NMNAT2: variants seen among roughly 807,000 people sequenced by gnomAD.
NMNAT2 encodes nicotinamide/nicotinic acid mononucleotide adenylyltransferase 2.
Under a neutral mutation model 41.6 loss-of-function variants are expected in NMNAT2, and 11 were observed. That is an observed-to-expected ratio of 0.26 (90% confidence interval 0.17 to 0.44). The LOEUF is 0.44. Ranked by LOEUF, NMNAT2 falls within the 20% of genes least tolerant of loss-of-function variation. The pLI, the probability that NMNAT2 is intolerant of heterozygous loss-of-function variation, is 1.00. For synonymous variants in NMNAT2, 148 were observed against 151.2 expected, an observed-to-expected ratio of 0.98 and a Z score of 0.16; for missense variants, 288 against 407.7, an observed-to-expected ratio of 0.71 and a Z score of 2.53.
intron 1 of NMNAT2, among the ~76,000 whole-genome samples, chr1:183,349,839 G>A (rs974992097): frequency 9.2e-5 from 14 of 152,186 alleles, no homozygotes; most frequent in African/African-American, 3.1e-4. Flanking sequence ...CAGACTGGGA[G>A]TCTGGGAGGG....
At chr1:183,264,307 C>T (rs932161988) in intron 8 of NMNAT2, among the ~76,000 whole-genome samples, 4 of 152,006 alleles carry the variant, frequency 2.6e-5, no homozygotes, top group African/African-American at 9.7e-5. Flanking sequence ...CTGCTGCTCT[C>T]CACTCAGTAC....
chr1:183,397,478 GA>G (rs1398383938), intron 1 of NMNAT2, among the ~76,000 whole-genome samples: 1 of 152,126 alleles, frequency 6.6e-6, no homozygotes, highest in Non-Finnish European at 1.5e-5. Flanking sequence ...AACCAAGTTG[GA>G]AAACACTCTG....
chr1:183,316,755 A>T (rs955558681), intron 1 of NMNAT2, among the ~76,000 whole-genome samples: 5 of 152,192 alleles, frequency 3.3e-5, no homozygotes, highest in Non-Finnish European at 7.3e-5. Context: ...ACATTGATTC[A>T]TTGGGTAAGT....
intron 1 of NMNAT2, among the ~76,000 whole-genome samples, chr1:183,382,267 G>A (rs1007399781): frequency 2.0e-5 from 3 of 152,114 alleles, no homozygotes; most frequent in East Asian, 1.9e-4. Context: ...GAACAGCAAG[G>A]GGGAGATCTG....
chr1:183,349,347 T>C (rs1037861659), intron 1 of NMNAT2, among the ~76,000 whole-genome samples: 5 of 152,210 alleles, frequency 3.3e-5, no homozygotes, highest in African/African-American at 9.6e-5. Context: ...TCTCAAAGCC[T>C]TTGCCTGCTC....
At chr1:183,364,686 T>TCTTTCTTTCTTTCTTTCTTTC (rs71127345) in intron 1 of NMNAT2, among the ~76,000 whole-genome samples, 61 of 149,748 alleles carry the variant, frequency 4.1e-4, no homozygotes, top group East Asian at 9.7e-4. Flanking sequence ...TTTCTTTCTT[T>TCTTTCTTTCTTTCTTTCTTTC]TTTTGTTGTT....
intron 1 of NMNAT2, among the ~76,000 whole-genome samples, chr1:183,391,272 T>C (rs190081242): frequency 6.6e-6 from 1 of 152,144 alleles, no homozygotes; most frequent in Non-Finnish European, 1.5e-5. Context: ...GAAGGGAATT[T>C]CTCCATGTTC....
intron 1 of NMNAT2, among the ~76,000 whole-genome samples, chr1:183,315,238 A>G (rs956083262): frequency 6.6e-6 from 1 of 152,222 alleles, no homozygotes; most frequent in Admixed American, 6.5e-5. Flanking sequence ...CTCGGGGCAG[A>G]CACACAGATA....
intron 1 of NMNAT2, among the ~76,000 whole-genome samples, chr1:183,313,802 T>C: frequency 6.6e-6 from 1 of 152,192 alleles, no homozygotes; most frequent in South Asian, 2.1e-4. Context: ...AAATATACCT[T>C]TTAAAATCCA....
At chr1:183,363,130 T>C (rs1663340415) in intron 1 of NMNAT2, among the ~76,000 whole-genome samples, 1 of 152,230 alleles carries the variant, frequency 6.6e-6, no homozygotes, top group African/African-American at 2.4e-5. Context: ...TAGCTCAGTT[T>C]TTAATTGGGT....
chr1:183,401,290 T>C (rs532172689), intron 1 of NMNAT2, among the ~76,000 whole-genome samples: 2 of 152,324 alleles, frequency 1.3e-5, no homozygotes, highest in East Asian at 3.9e-4. Context: ...AAGACATTTA[T>C]GCAGCCAACA....
At chr1:183,312,919 G>T (rs1191007288) in intron 1 of NMNAT2, among the ~76,000 whole-genome samples, 3 of 152,106 alleles carry the variant, frequency 2.0e-5, no homozygotes, top group African/African-American at 7.2e-5. Flanking sequence ...TTCATTATTA[G>T]CTACTATTAT....
chr1:183,297,384 T>C (rs1262784645), intron 1 of NMNAT2, among the ~76,000 whole-genome samples: 5 of 20,190 alleles, frequency 2.5e-4, no homozygotes, highest in Non-Finnish European at 3.7e-4. Flanking sequence ...GAAGGAACCC[T>C]TTTTTTTTTT....
At chr1:183,326,823 T>C (rs1316580296) in intron 1 of NMNAT2, among the ~76,000 whole-genome samples, 3 of 152,006 alleles carry the variant, frequency 2.0e-5, no homozygotes, top group African/African-American at 7.3e-5. Context: ...AAAATATACA[T>C]TGGAGGAAGA....
chr1:183,277,605 C>CCTGTCCTGCCT (rs879718563), intron 8 of NMNAT2, among the ~76,000 whole-genome samples: 8 of 151,944 alleles, frequency 5.3e-5, no homozygotes, highest in Admixed American at 2.0e-4. Context: ...CTGTCCTGCC[C>CCTGTCCTGCCT]CTGTCCTGCC....
intron 1 of NMNAT2, among the ~76,000 whole-genome samples, chr1:183,393,086 C>T (rs1648528542): frequency 1.3e-5 from 2 of 152,206 alleles, no homozygotes; most frequent in Admixed American, 1.3e-4. Flanking sequence ...CAGAGAGCAT[C>T]TCTGGAGATC....
chr1:183,367,011 C>T (rs540339107), intron 1 of NMNAT2, among the ~76,000 whole-genome samples: 2 of 152,258 alleles, frequency 1.3e-5, no homozygotes, highest in East Asian at 3.9e-4. Context: ...TACTTGATTT[C>T]ACATGTTACA....
chr1:183,339,682 T>C (rs1662753308), intron 1 of NMNAT2, among the ~76,000 whole-genome samples: 1 of 152,188 alleles, frequency 6.6e-6, no homozygotes. Context: ...TAGGCACTGT[T>C]CTCAGCATTG....
At chr1:183,309,467 T>C (rs191420922) in intron 1 of NMNAT2, among the ~76,000 whole-genome samples, 103 of 152,312 alleles carry the variant, frequency 6.8e-4, no homozygotes, top group Middle Eastern at 3.4e-3. Flanking sequence ...CTAGGCCTCA[T>C]GTCACTCACT....
Sources: gnomAD v4.1 joint callset for allele counts (sites outside exome capture counted in the v4.1 genomes callset) on GRCh38, gnomAD v4.1.1 for gene constraint, MANE v1.5 for transcripts, NCBI Gene and HGNC (gene_info 2026-07-23, HGNC 2026-07-21) for gene names.